Variants in CDH13 observed in about 807,000 individuals in gnomAD.
CDH13 encodes cadherin-13.
In CDH13, 24 loss-of-function variants were observed where a neutral mutation model predicts 63.8. The observed-to-expected ratio is 0.38, with a 90% CI of 0.27 to 0.53. The LOEUF is 0.53. Among genes scored for constraint, CDH13 ranks in the 20% least tolerant of loss-of-function variants. The pLI, the probability that CDH13 is intolerant of heterozygous loss-of-function variation, is 0.85. For synonymous variants in CDH13, 503 were observed against 355.3 expected, an observed-to-expected ratio of 1.42 and a Z score of -4.67; for missense variants, 1,049 against 903.1, an observed-to-expected ratio of 1.16 and a Z score of -2.07.
chr16:82,866,377 C>CTTCTTTTTTTTTT (rs1219841320), intron 2 of CDH13, among the ~76,000 whole-genome samples: 1 of 58,300 alleles, frequency 1.7e-5, no homozygotes, highest in Admixed American at 2.7e-4. Context: ...TTTTCTTCTT[C>CTTCTTTTTTTTTT]TTTTTTTTTT....
intron 1 of CDH13, among the ~76,000 whole-genome samples, chr16:82,790,461 A>G (rs1393277407): frequency 6.6e-6 from 1 of 152,124 alleles, no homozygotes; most frequent in South Asian, 2.1e-4. Flanking sequence ...AAAATTGCTA[A>G]TTATGCTGAT....
chr16:82,639,294 C>T (rs1447380410), intron 1 of CDH13: 2 of 1,140,706 alleles, frequency 1.8e-6, no homozygotes, highest in Non-Finnish European at 2.5e-6. Flanking sequence ...CTGATTGCAA[C>T]CTTCAGAACA....
chr16:83,446,953 A>G (rs2072707225), intron 6 of CDH13, among the ~76,000 whole-genome samples: 1 of 148,912 alleles, frequency 6.7e-6, no homozygotes, highest in Admixed American at 6.8e-5. Context: ...CCTTAGAGTG[A>G]TGCATTACTG....
intron 7 of CDH13, among the ~76,000 whole-genome samples, chr16:83,571,853 C>G (rs117808369): frequency 6.6e-6 from 1 of 152,272 alleles, no homozygotes; most frequent in Non-Finnish European, 1.5e-5. Context: ...GTGCCTCATT[C>G]CCCTGGCTCC....
chr16:83,667,135 A>G (rs1411406778), intron 8 of CDH13, among the ~76,000 whole-genome samples: 5 of 151,374 alleles, frequency 3.3e-5, no homozygotes, highest in African/African-American at 1.2e-4. Flanking sequence ...ATGGATAAAT[A>G]GATAGATGGA....
intron 1 of CDH13, among the ~76,000 whole-genome samples, chr16:82,800,965 AAAAG>A (rs1253709149): frequency 7.2e-5 from 11 of 152,278 alleles, no homozygotes; most frequent in African/African-American, 2.6e-4. Flanking sequence ...CAAGGAGAAA[AAAAG>A]GGAATAGGAG....
chr16:83,263,534 C>T (rs113765631), intron 5 of CDH13, among the ~76,000 whole-genome samples: 2 of 152,092 alleles, frequency 1.3e-5, no homozygotes, highest in African/African-American at 4.8e-5. Flanking sequence ...GGTCTTGACT[C>T]CTCCCTAGCC....
intron 2 of CDH13, among the ~76,000 whole-genome samples, chr16:82,927,472 C>G (rs982821805): frequency 1.3e-5 from 2 of 152,136 alleles, no homozygotes; most frequent in East Asian, 3.9e-4. Context: ...GGATACCTCA[C>G]GTGAGTAGAG....
chr16:82,975,072 C>G (rs1240891082), intron 2 of CDH13, among the ~76,000 whole-genome samples: 1 of 152,200 alleles, frequency 6.6e-6, no homozygotes, highest in African/African-American at 2.4e-5. Context: ...CCCAACTCGT[C>G]TTTCTGATTT....
At chr16:82,923,105 A>C (rs554625177) in intron 2 of CDH13, among the ~76,000 whole-genome samples, 15 of 152,354 alleles carry the variant, frequency 9.8e-5, no homozygotes, top group Admixed American at 5.9e-4. Flanking sequence ...TTTAGGAAAA[A>C]TGGCGCCAAT....
In CDH13 at chr16:82,842,129, TATATATATAC is replaced by T. The variant is rs1567590408; in HGVS notation, c.46-16231_46-16222del. 1.7e-3 allele frequency among the ~76,000 whole-genome samples: 84 copies of T among 48,670 alleles called. 3 individuals are homozygous for T. Among genetic ancestry groups the T allele is most frequent in the Non-Finnish European group, 3.0e-3 (63 of 20,726 alleles). The allele number at this position is 48,670 out of a possible 152,430, so 31.9% of individuals were successfully genotyped here. On this transcript the variant is annotated intron_variant, in intron 1 of 13. Coordinates refer to ENST00000567109, the MANE Select transcript of CDH13 (RefSeq NM_001257.5). ...ATATATATGTATATATATATATATA[TATATATATAC>T]ACATATATATATATATATATATATA...
chr16:83,067,194 T>C (rs990321753), intron 3 of CDH13, among the ~76,000 whole-genome samples: 3 of 152,154 alleles, frequency 2.0e-5, no homozygotes, highest in African/African-American at 4.8e-5. Context: ...TCTCTTCCTA[T>C]CAAATCTTTC....
chr16:82,775,554 A>G (rs1046963896), intron 1 of CDH13, among the ~76,000 whole-genome samples: 1 of 152,186 alleles, frequency 6.6e-6, no homozygotes, highest in Non-Finnish European at 1.5e-5. Flanking sequence ...GTCTATGTCA[A>G]TGCTATGGGA....
intron 4 of CDH13, among the ~76,000 whole-genome samples, chr16:83,156,747 C>G (rs1027561489): frequency 6.6e-5 from 10 of 152,162 alleles, no homozygotes; most frequent in African/African-American, 2.2e-4. Context: ...CCCCCAGCCT[C>G]CTTCCATAAA....
intron 6 of CDH13, among the ~76,000 whole-genome samples, chr16:83,443,545 T>C (rs2072546487): frequency 6.6e-6 from 1 of 151,920 alleles, no homozygotes; most frequent in South Asian, 2.1e-4. Flanking sequence ...AAGATTATCA[T>C]GTTGAGTATA....
At chr16:82,634,539 C>G (rs938218554) in intron 1 of CDH13, among the ~76,000 whole-genome samples, 1 of 152,154 alleles carries the variant, frequency 6.6e-6, no homozygotes, top group African/African-American at 2.4e-5. Context: ...GCCCGTGAGC[C>G]AATTTCTCCC....
chr16:82,767,113 C>T (rs1647937363), intron 1 of CDH13, among the ~76,000 whole-genome samples: 1 of 152,166 alleles, frequency 6.6e-6, no homozygotes. Flanking sequence ...GCATATTTTT[C>T]AGTAGAGTTC....
At chr16:83,344,774 A>G (rs1461641300) in intron 5 of CDH13, 88 bp from the exon 6 acceptor site, 2 of 1,450,472 alleles carry the variant, frequency 1.4e-6, no homozygotes, top group Admixed American at 3.5e-5. Context: ...AAAATTGTCG[A>G]TATAACCTAC....
intron 5 of CDH13, among the ~76,000 whole-genome samples, chr16:83,296,848 G>A (rs1461672950): frequency 6.6e-6 from 1 of 152,188 alleles, no homozygotes. Flanking sequence ...CATCTTCCAA[G>A]GGAGAAAGGG....
Sources: allele counts gnomAD v4.1 joint callset (sites outside exome capture counted in the v4.1 genomes callset), GRCh38; gene constraint gnomAD v4.1.1; transcripts MANE v1.5; gene names NCBI Gene and HGNC (gene_info 2026-07-23, HGNC 2026-07-21).